Variants in FAM117B observed in about 807,000 individuals in gnomAD.
The protein encoded by FAM117B is family with sequence similarity 117 member B.
Under a neutral mutation model 52.8 loss-of-function variants are expected in FAM117B, and 22 were observed. The ratio of observed to expected loss-of-function variants is 0.42; its 90% CI spans 0.30 to 0.59. The LOEUF (loss-of-function observed/expected upper bound fraction) is 0.59, where lower values mean the gene tolerates loss of function less well. Ranked by LOEUF, FAM117B falls within the 20% of genes least tolerant of loss-of-function variation. The probability of loss-of-function intolerance (pLI) is 0.22; values close to 1 mark genes in which losing one functional copy is unlikely to be tolerated. For synonymous variants in FAM117B, 309 were observed against 324.1 expected (o/e 0.95, Z 0.50); for missense variants, 678 against 802.6 (o/e 0.84, Z 1.88).
intron 4 of FAM117B, among the ~76,000 whole-genome samples, chr2:202,733,151 C>T (rs1433526250): frequency 3.3e-5 from 5 of 152,016 alleles, no homozygotes; most frequent in Non-Finnish European, 7.4e-5. Flanking sequence ...AGCAGGTTTT[C>T]ATTAAGGACT....
chr2:202,669,026 A>G (rs1690251964), intron 1 of FAM117B, among the ~76,000 whole-genome samples: 1 of 152,196 alleles, frequency 6.6e-6, no homozygotes, highest in African/African-American at 2.4e-5. Flanking sequence ...AAAATAAGGA[A>G]TAATATATGC....
In FAM117B at chr2:202,707,585, C is replaced by G. The variant is rs545305348; in HGVS notation, c.753+11553C>G. Among the ~76,000 whole-genome samples, 11 of 151,768 alleles carry G rather than the reference C, an allele frequency of 7.2e-5. No homozygotes were observed. In the South Asian group the frequency reaches 1.0e-3, roughly 14 times the overall value. Reference sequence around the variant, plus strand: ...CCAGGTGTGGTGGCGTGTGCACTTGCAATCCCAGCTACTCGGGAGGCTGAG... The same window carrying G: ...CCAGGTGTGGTGGCGTGTGCACTTGGAATCCCAGCTACTCGGGAGGCTGAG... On this transcript the variant is annotated intron_variant, in intron 2 of 7. Transcript: ENST00000392238.
chr2:202,760,744 A>G (rs1275083935), intron 7 of FAM117B, among the ~76,000 whole-genome samples: 1 of 152,128 alleles, frequency 6.6e-6, no homozygotes, highest in Non-Finnish European at 1.5e-5. Flanking sequence ...ATTGCTAGTA[A>G]TCATCTCAGT....
rs1691981671 is a variant in FAM117B at position 202,766,418 on chromosome 2, A to G, written c.*654A>G. 2.0e-5 allele frequency: 3 copies of G among 152,776 alleles called. No individual in the cohort carries two copies. Among genetic ancestry groups the G allele is most frequent in the Middle Eastern group, 3.4e-3 (1 of 294 alleles). The allele number at this position is 152,776 out of a possible 1,614,324, so 9.5% of individuals were successfully genotyped here. On this transcript the variant is annotated 3_prime_UTR_variant, in exon 8 of 8. Coordinates refer to ENST00000392238, the MANE Select transcript of FAM117B (RefSeq NM_173511.4). ...AAATGCATTGAACAAGTATATATAAAAAGAGATTAAAAAGCAATATTCGTA... is the reference window on the plus strand; with the variant it reads ...AAATGCATTGAACAAGTATATATAAGAAGAGATTAAAAAGCAATATTCGTA...
intron 7 of FAM117B, among the ~76,000 whole-genome samples, chr2:202,761,605 C>T (rs1197612057): frequency 1.3e-5 from 2 of 152,182 alleles, no homozygotes; most frequent in African/African-American, 4.8e-5. Flanking sequence ...TGGCTCACTG[C>T]AACCTCTGCC....
intron 7 of FAM117B, among the ~76,000 whole-genome samples, chr2:202,763,145 C>T (rs1357681704): frequency 1.4e-5 from 2 of 147,676 alleles, no homozygotes; most frequent in Non-Finnish European, 3.0e-5. Context: ...GATCTTGGCT[C>T]ACTGCAAGCT....
intron 1 of FAM117B, among the ~76,000 whole-genome samples, chr2:202,673,431 C>CTTTTTTTTTTTTTTTT (rs1690327997): frequency 6.4e-5 from 2 of 31,188 alleles, no homozygotes; most frequent in Non-Finnish European, 5.9e-5. Context: ...TTTTCTTTTT[C>CTTTTTTTTTTTTTTTT]TGTTTTTTTT....
At chr2:202,694,738 G>A (rs1690685412) in intron 1 of FAM117B, among the ~76,000 whole-genome samples, 1 of 152,054 alleles carries the variant, frequency 6.6e-6, no homozygotes, top group Admixed American at 6.5e-5. Flanking sequence ...ACTCTCAAAG[G>A]CAAGGGATCA....
At chr2:202,672,815 G>T (rs1043289686) in intron 1 of FAM117B, among the ~76,000 whole-genome samples, 1 of 152,042 alleles carries the variant, frequency 6.6e-6, no homozygotes, top group African/African-American at 2.4e-5. Context: ...TGGGAGGATT[G>T]TTTGAGACCA....
At chr2:202,651,620 C>T (rs551125813) in intron 1 of FAM117B, among the ~76,000 whole-genome samples, 32 of 151,550 alleles carry the variant, frequency 2.1e-4, no homozygotes, top group Middle Eastern at 7.0e-3. Context: ...GTGTTCCACC[C>T]GCCTGGGCCT....
chr2:202,702,950 A>T (rs1033975821), intron 2 of FAM117B, among the ~76,000 whole-genome samples: 1 of 152,224 alleles, frequency 6.6e-6, no homozygotes, highest in African/African-American at 2.4e-5. Flanking sequence ...TGCAAACATA[A>T]CTTCTATATG....
chr2:202,732,898 G>A (rs1252870074), intron 4 of FAM117B, among the ~76,000 whole-genome samples: 2 of 149,058 alleles, frequency 1.3e-5, no homozygotes, highest in African/African-American at 4.9e-5. Context: ...GACACAAAAG[G>A]GCACATAACA....
chr2:202,635,206 C>G lies in FAM117B; in HGVS notation c.19C>G (p.Arg7Gly). The change falls in exon 1 of 8, where the codon CGC becomes GGC. Residue 7 changes from arginine (R) to glycine (G), a missense_variant. By Grantham distance (125) the Arg-to-Gly change is moderately radical. Transcript: ENST00000392238. MSQRVRRNGSPTPAGSL... is the reference protein window; with the variant it reads MSQRVRGNGSPTPAGSL... The stretch of plus-strand genomic sequence containing the variant: ...GGGGACCATGTCCCAGCGGGTGAGG[C>G]GCAATGGGTCCCCCACGCCGGCCGG... 1 of 1,296,752 alleles carries G rather than the reference C, an allele frequency of 7.7e-7. No homozygotes were observed. Among genetic ancestry groups the G allele is most frequent in the Non-Finnish European group, 9.8e-7 (1 of 1,020,508 alleles). 80.3% of individuals were successfully genotyped at this position (1,296,752 alleles called of 1,614,324 possible).
intron 4 of FAM117B, among the ~76,000 whole-genome samples, chr2:202,737,285 T>G (rs1227628478): frequency 6.6e-6 from 1 of 152,234 alleles, no homozygotes; most frequent in Non-Finnish European, 1.5e-5. Flanking sequence ...GTCATCTTTT[T>G]CCTCTATTTT....
At chr2:202,654,062 T>TGAGA (rs60490884) in intron 1 of FAM117B, among the ~76,000 whole-genome samples, 7,284 of 134,618 alleles carry the variant, frequency 0.054, 145 homozygotes, top group African/African-American at 0.065. Flanking sequence ...AGAGAGTGAG[T>TGAGA]GAGAGAGAGA....
At chr2:202,736,084 G>T (rs1691434145) in intron 4 of FAM117B, among the ~76,000 whole-genome samples, 1 of 152,172 alleles carries the variant, frequency 6.6e-6, no homozygotes, top group Non-Finnish European at 1.5e-5. Flanking sequence ...AGACAGTGAG[G>T]TAGAAAAAGA....
intron 1 of FAM117B, among the ~76,000 whole-genome samples, chr2:202,665,311 C>CT (rs1398559577): frequency 6.6e-6 from 1 of 151,872 alleles, no homozygotes; most frequent in Non-Finnish European, 1.5e-5. Context: ...TCCCAAAGTG[C>CT]TGGGGTTATA....
chr2:202,702,305 C>T (rs535934876), intron 2 of FAM117B, among the ~76,000 whole-genome samples: 39 of 152,052 alleles, frequency 2.6e-4, no homozygotes, highest in African/African-American at 8.0e-4. Flanking sequence ...GCAGGAGAAT[C>T]GCTTGAACCC....
At chr2:202,725,293 TTTA>T (rs1691223929) in intron 3 of FAM117B, 1 of 195,674 alleles carries the variant, frequency 5.1e-6, no homozygotes, top group African/African-American at 2.9e-5. Context: ...CAAATTCACA[TTTA>T]TTCTTTTTTT....
Sources: gnomAD v4.1 joint callset for allele counts (sites outside exome capture counted in the v4.1 genomes callset) on GRCh38, gnomAD v4.1.1 for gene constraint, MANE v1.5 for transcripts, NCBI Gene and HGNC (gene_info 2026-07-23, HGNC 2026-07-21) for gene names.